The following SPATS1 variants were observed in gnomAD, a reference collection of about 807,000 sequenced individuals.
SPATS1 encodes the protein spermatogenesis associated serine rich 1.
In SPATS1, 23 loss-of-function variants were observed where a neutral mutation model predicts 33.6. That is an observed-to-expected ratio of 0.68 (90% CI 0.49 to 0.97). The LOEUF (loss-of-function observed/expected upper bound fraction) is 0.97. SPATS1 is among the 50% of genes least tolerant of loss of function. SPATS1 has a pLI of 0.00. For synonymous variants in SPATS1, 131 were observed against 125.6 expected (o/e 1.04, Z -0.29); for missense variants, 327 against 361.0 (o/e 0.91, Z 0.76).
chr6:44,377,306 CTT>C lies in SPATS1; in HGVS notation c.*245_*246del, dbSNP rs952157473. The C allele has an allele frequency of 5.3e-6, 3 of 567,352 alleles. No homozygotes were observed. The highest frequency in any genetic ancestry group is 3.8e-5 in the African/African-American group (2 of 53,110). 35.1% of individuals were successfully genotyped at this position (567,352 alleles called of 1,614,324 possible). On this transcript the variant is annotated 3_prime_UTR_variant, in exon 9 of 9. Transcript: ENST00000674044. ...CTATCATTGTTAATATTTGTTCAAA[CTT>C]TCTCTCTCTCACAATATTACAGTTA...
chr6:44,345,439 C>T (rs1000345054), intron 2 of SPATS1, among the ~76,000 whole-genome samples: 3 of 152,118 alleles, frequency 2.0e-5, no homozygotes, highest in African/African-American at 4.8e-5. Context: ...TTTCACTGCT[C>T]GCTGCTTAGG....
chr6:44,362,015 G>A, intron 5 of SPATS1, 23 bp downstream of exon 5: 1 of 1,613,962 alleles, frequency 6.2e-7, no homozygotes, highest in Non-Finnish European at 8.5e-7. Flanking sequence ...TCTGGGTCTT[G>A]ACTGTGCAGT....
At chr6:44,362,996 A>G (rs1222041101) in intron 5 of SPATS1, among the ~76,000 whole-genome samples, 1 of 151,732 alleles carries the variant, frequency 6.6e-6, no homozygotes, top group Non-Finnish European at 1.5e-5. Flanking sequence ...GCACCACCAC[A>G]CCCGGTTAAT....
chr6:44,371,025 G>T (rs1193598865), intron 7 of SPATS1, among the ~76,000 whole-genome samples: 10 of 149,800 alleles, frequency 6.7e-5, no homozygotes, highest in African/African-American at 2.2e-4. Context: ...TGGGTGCAGT[G>T]GCTCACACCT....
chr6:44,372,486 T>C (rs937524790), intron 7 of SPATS1, among the ~76,000 whole-genome samples: 2 of 151,950 alleles, frequency 1.3e-5, no homozygotes, highest in Non-Finnish European at 2.9e-5. Flanking sequence ...TTTTTTTAGA[T>C]GGAGTCTCAC....
chr6:44,357,397 T>G (rs564586023), intron 3 of SPATS1, among the ~76,000 whole-genome samples: 47 of 152,280 alleles, frequency 3.1e-4, no homozygotes, highest in East Asian at 1.9e-3. Flanking sequence ...TTGTTTGTTT[T>G]TTTAGATAGA....
intron 2 of SPATS1, among the ~76,000 whole-genome samples, chr6:44,346,969 C>T (rs1787927009): frequency 1.3e-5 from 2 of 152,140 alleles, no homozygotes; most frequent in South Asian, 4.1e-4. Context: ...GACTTGGAAC[C>T]AACCCAAATG....
chr6:44,344,612 TC>T (rs942981118), intron 2 of SPATS1, among the ~76,000 whole-genome samples: 1 of 152,136 alleles, frequency 6.6e-6, no homozygotes, highest in Non-Finnish European at 1.5e-5. Context: ...GTATTATTTT[TC>T]TCCCTGCCAG....
At chr6:44,371,136 A>AT (rs201548485) in intron 7 of SPATS1, among the ~76,000 whole-genome samples, 11 of 151,956 alleles carry the variant, frequency 7.2e-5, no homozygotes, top group African/African-American at 2.2e-4. Flanking sequence ...TCTACAAAAT[A>AT]TTTTTTTTAA....
At chr6:44,349,626 A>G (rs1289770260) in intron 2 of SPATS1, among the ~76,000 whole-genome samples, 2 of 152,252 alleles carry the variant, frequency 1.3e-5, no homozygotes, top group African/African-American at 4.8e-5. Context: ...TGTGATACAT[A>G]AAATAACGAT....
intron 5 of SPATS1, among the ~76,000 whole-genome samples, chr6:44,366,856 C>T (rs1436778295): frequency 1.3e-5 from 2 of 152,152 alleles, no homozygotes; most frequent in African/African-American, 2.4e-5. Context: ...TTCATGATAA[C>T]TCTGCAAAGT....
intron 3 of SPATS1, among the ~76,000 whole-genome samples, chr6:44,353,249 G>A (rs1175555619): frequency 6.6e-6 from 1 of 152,166 alleles, no homozygotes; most frequent in Non-Finnish European, 1.5e-5. Context: ...ATACATACAT[G>A]GGTGGTAAAA....
chr6:44,355,217 G>GT (rs1358015359), intron 3 of SPATS1, among the ~76,000 whole-genome samples: 1 of 131,704 alleles, frequency 7.6e-6, no homozygotes, highest in Non-Finnish European at 1.6e-5. Context: ...TGTCTCCATA[G>GT]TTTTTTCCTT....
chr6:44,353,533 G>A (rs1470162925), intron 3 of SPATS1, among the ~76,000 whole-genome samples: 5 of 152,176 alleles, frequency 3.3e-5, no homozygotes. Context: ...TTACAGGTGT[G>A]AGTCACTGGG....
intron 6 of SPATS1, among the ~76,000 whole-genome samples, chr6:44,369,132 G>A (rs569701679): frequency 6.1e-4 from 93 of 152,074 alleles, no homozygotes; most frequent in South Asian, 5.2e-3. Context: ...TCCTGACCTC[G>A]TGATCCGCCC....
intron 3 of SPATS1, among the ~76,000 whole-genome samples, chr6:44,355,593 C>T (rs75728736): frequency 0.019 from 2,921 of 152,248 alleles, 88 homozygotes; most frequent in African/African-American, 0.066. Context: ...TGCTGTAATG[C>T]GTGTCCCTGT....
chr6:44,376,231 T>C, intron 7 of SPATS1, 127 bp from the exon 8 acceptor site: 1 of 610,462 alleles, frequency 1.6e-6, no homozygotes, highest in South Asian at 1.9e-5. Context: ...CTAACATATT[T>C]TATTTTGAAG....
chr6:44,355,576 T>A (rs1424781769), intron 3 of SPATS1, among the ~76,000 whole-genome samples: 1 of 152,212 alleles, frequency 6.6e-6, no homozygotes, highest in Non-Finnish European at 1.5e-5. Flanking sequence ...GTTGCTATTG[T>A]AAATAGTGCT....
rs374490505 is a variant in SPATS1 at position 44,376,382 on chromosome 6, G to A, written c.783G>A (p.Lys261=). Residue 261 remains lysine, a synonymous_variant, in exon 8 of 9, where the codon AAG becomes AAA. Coordinates refer to ENST00000674044, the MANE Select transcript of SPATS1 (RefSeq NM_001372081.1). ...IPNLPFWVKE[K]ANSLKNEIQE... is the part of the protein sequence containing the mutation. ...GCTTGCCTTTCTGGGTGAAGGAGAA[G>A]GCCAACAGTTTGAAAAATGAGATAC... The A allele has an allele frequency of 2.8e-5, 45 of 1,613,076 alleles. No homozygotes were observed. In the African/African-American group the frequency reaches 5.9e-4, roughly 21 times the overall value.
Sources: gnomAD v4.1 joint callset for allele counts (sites outside exome capture counted in the v4.1 genomes callset) on GRCh38, gnomAD v4.1.1 for gene constraint, MANE v1.5 for transcripts, NCBI Gene and HGNC (gene_info 2026-07-23, HGNC 2026-07-21) for gene names.